The following ZEB2 variants were observed in gnomAD, a reference collection of about 807,000 sequenced individuals.
The protein encoded by ZEB2 is zinc finger E-box-binding homeobox 2.
ZEB2 carries 6 observed loss-of-function variants against 99.9 expected under a neutral mutation model. The observed-to-expected ratio is 0.06, with a 90% CI of 0.03 to 0.12. The LOEUF is 0.12. Ranked by LOEUF, ZEB2 falls within the 10% of genes least tolerant of loss-of-function variation. The probability of loss-of-function intolerance (pLI) is 1.00; values close to 1 mark genes in which losing one functional copy is unlikely to be tolerated. For missense variants in ZEB2, 969 were observed against 1,502.8 expected (o/e 0.64, Z 5.87); for synonymous variants, 517 against 542.5 (o/e 0.95, Z 0.65).
At chr2:144,490,748 C>A (rs1424008990) in intron 2 of ZEB2, among the ~76,000 whole-genome samples, 2 of 152,208 alleles carry the variant, frequency 1.3e-5, no homozygotes, top group Non-Finnish European at 2.9e-5. Context: ...TATGTCCACT[C>A]CACCCTTCCA....
rs1287731625 is a variant in ZEB2 at position 144,398,974 on chromosome 2, G to A, written c.2213C>T (p.Ser738Phe). 6.2e-7 allele frequency: 1 copy of A among 1,614,188 alleles called. No homozygotes were observed. Among genetic ancestry groups the A allele is most frequent in the Admixed American group, 1.7e-5 (1 of 60,028 alleles). ...TTCTGCTATAGATGGTGATGTTATGGAGTCCATAGGTTTTACAGGAGACCT... is the reference window on the plus strand; with the variant it reads ...TTCTGCTATAGATGGTGATGTTATGAAGTCCATAGGTTTTACAGGAGACCT... ...LPRSPVKPMD[S>F]ITSPSIAELH... Residue 738 changes from serine (S) to phenylalanine (F), a missense_variant, in exon 8 of 10, where the codon TCC becomes TTC. By Grantham distance (155) the Ser-to-Phe change is radical. Coordinates refer to ENST00000627532, the MANE Select transcript of ZEB2 (RefSeq NM_014795.4).
At chr2:144,400,965 A>G (rs1267782740) in intron 7 of ZEB2, among the ~76,000 whole-genome samples, 1 of 152,250 alleles carries the variant, frequency 6.6e-6, no homozygotes, top group Non-Finnish European at 1.5e-5. Flanking sequence ...ATTTTGTAAT[A>G]AATCAAAGCA....
intron 2 of ZEB2, among the ~76,000 whole-genome samples, chr2:144,481,316 T>C (rs1704507964): frequency 6.6e-6 from 1 of 152,176 alleles, no homozygotes; most frequent in Non-Finnish European, 1.5e-5. Flanking sequence ...GCATGCTGTA[T>C]GTGGCCCGAG....
intron 6 of ZEB2, 142 bp downstream of exon 6, chr2:144,403,774 T>C: frequency 9.7e-7 from 1 of 1,028,850 alleles, no homozygotes; most frequent in South Asian, 1.4e-5. Flanking sequence ...AAAAATCATT[T>C]AGACCTCAAT....
intron 2 of ZEB2, among the ~76,000 whole-genome samples, chr2:144,440,642 T>C (rs1387268512): frequency 6.6e-6 from 1 of 151,458 alleles, no homozygotes. Context: ...GTCACACGCA[T>C]GGTGTGCCTT....
At position 144,399,221 on chromosome 2, in the gene ZEB2, T is replaced by C. The variant is rs1426184201; in HGVS notation, c.1966A>G (p.Met656Val). ...TSPINPYKDH[M>V]SVLKAYYAMN... ...GCATAGTATGCTTTGAGTACAGACA[T>C]GTGGTCCTTGTATGGGTTGATGGGG... Residue 656 changes from methionine (M) to valine (V), a missense_variant, in exon 8 of 10, where the codon ATG becomes GTG. Around this residue, in one of 8 missense-constraint regions of ZEB2, gnomAD observed 346 missense variants for 460.0 expected, o/e 0.75. Transcript: ENST00000627532. The surrounding 1 kb of genome is among the most constrained non-coding windows in gnomAD (Gnocchi z 5.6). 5.0e-6 allele frequency: 8 copies of C among 1,614,006 alleles called. No homozygotes were observed. Among genetic ancestry groups the C allele is most frequent in the East Asian group, 2.2e-5 (1 of 44,898 alleles).
intron 4 of ZEB2, among the ~76,000 whole-genome samples, chr2:144,417,965 T>C (rs1187339868): frequency 6.6e-6 from 1 of 152,210 alleles, no homozygotes; most frequent in African/African-American, 2.4e-5. Context: ...AAAATTGTTA[T>C]GTGTCAATAA....
At chr2:144,465,514 T>C (rs185741213) in intron 2 of ZEB2, among the ~76,000 whole-genome samples, 19 of 152,290 alleles carry the variant, frequency 1.2e-4, no homozygotes, top group African/African-American at 4.3e-4. Context: ...CCAAGAGCGC[T>C]ATCCAATCAT....
intron 2 of ZEB2, among the ~76,000 whole-genome samples, chr2:144,498,565 G>A (rs1264207524): frequency 6.6e-6 from 1 of 152,174 alleles, no homozygotes; most frequent in African/African-American, 2.4e-5. Flanking sequence ...GGTGAAAGGA[G>A]AGGGATCATG....
chr2:144,510,231 AG>A (rs1301792905), intron 2 of ZEB2, among the ~76,000 whole-genome samples: 1 of 151,856 alleles, frequency 6.6e-6, no homozygotes, highest in South Asian at 2.1e-4. Context: ...ATAAAAAGTC[AG>A]GGGGAAAAAT....
At chr2:144,489,368 G>A (rs1181785625) in intron 2 of ZEB2, among the ~76,000 whole-genome samples, 1 of 151,522 alleles carries the variant, frequency 6.6e-6, no homozygotes, top group Non-Finnish European at 1.5e-5. Flanking sequence ...TTTTCCTCTG[G>A]CCTAATAAAA....
chr2:144,389,187 T>C lies in ZEB2; in HGVS notation c.*264A>G. 1 of 593,286 alleles carries C rather than the reference T, an allele frequency of 1.7e-6. No individual in the cohort carries two copies. Among genetic ancestry groups the C allele is most frequent in the Non-Finnish European group, 3.0e-6 (1 of 336,942 alleles). The allele number at this position is 593,286 out of a possible 1,614,324, so 36.8% of individuals were successfully genotyped here. A position where few individuals can be genotyped will look rare whatever the true frequency, so the allele number is the denominator to read the frequency against. ...TTTCTAGTTGTGCTTAAAGTATAAATGCTATTAAACACAGGAATTAGTCTC... is the reference window on the plus strand; with the variant it reads ...TTTCTAGTTGTGCTTAAAGTATAAACGCTATTAAACACAGGAATTAGTCTC... On this transcript the variant is annotated 3_prime_UTR_variant, in exon 10 of 10. Coordinates refer to ENST00000627532, the MANE Select transcript of ZEB2 (RefSeq NM_014795.4). This position sits in a 1 kb window ranked among gnomAD's most constrained non-coding sequence, Gnocchi z 6.8.
intron 2 of ZEB2, chr2:144,516,227 C>CG (rs1433520608): frequency 8.1e-5 from 12 of 147,792 alleles, no homozygotes; most frequent in Admixed American, 3.4e-4. Flanking sequence ...CCCCCACCCC[C>CG]CCCCGGCACC....
At position 144,398,549 on chromosome 2, in the gene ZEB2, T is replaced by A; in HGVS notation, c.2638A>T (p.Thr880Ser). ...GGGTTCATGCTGAACACTGGGTTAG[T>A]GCTTTTGTTGTCCAGATTATTTGAA... ...SNSNNLDNKS[T>S]NPVFSMNPFS... Residue 880 changes from threonine (T) to serine (S), a missense_variant, in exon 8 of 10, where the codon ACT (threonine) becomes TCT (serine). Physicochemically the swap from Thr to Ser is moderately conservative, Grantham distance 58. Coordinates refer to ENST00000627532, the MANE Select transcript of ZEB2 (RefSeq NM_014795.4). The A allele has an allele frequency of 6.2e-7, 1 of 1,614,164 alleles. No individual in the cohort carries two copies. The highest frequency in any genetic ancestry group is 8.5e-7 in the Non-Finnish European group (1 of 1,180,020).
chr2:144,509,955 CA>C (rs1273704951), intron 2 of ZEB2, among the ~76,000 whole-genome samples: 2 of 152,056 alleles, frequency 1.3e-5, no homozygotes, highest in African/African-American at 4.8e-5. Flanking sequence ...TGAATACCAC[CA>C]ACCCCTCCCC....
At chr2:144,439,181 G>A (rs185115401) in intron 2 of ZEB2, among the ~76,000 whole-genome samples, 2 of 151,056 alleles carry the variant, frequency 1.3e-5, no homozygotes, top group Admixed American at 6.6e-5. Context: ...CTGTTCTGAG[G>A]TACCACCTTT....
Position 144,400,152 on chromosome 2 carries a change from T to A in ZEB2, c.1035A>T (p.Arg345Ser). 2.5e-6 allele frequency: 4 copies of A among 1,613,964 alleles called. No homozygotes were observed. The highest frequency in any genetic ancestry group is 3.4e-6 in the Non-Finnish European group (4 of 1,179,824). ...IGLISVNGRM[R>S]NNIKTGSSPN... ...GGGAAGAACCCGTCTTGATATTGTT[T>A]CTCATTCGGCCATTTACAGAGATTA... The change falls in exon 8 of 10, where the codon AGA becomes AGT. Residue 345 changes from arginine (R) to serine (S), a missense_variant. Around this residue, in one of 8 missense-constraint regions of ZEB2, gnomAD observed 227 missense variants for 278.2 expected, o/e 0.82. Transcript: ENST00000627532.
At chr2:144,446,955 G>A (rs552363863) in intron 2 of ZEB2, among the ~76,000 whole-genome samples, 56 of 151,106 alleles carry the variant, frequency 3.7e-4, no homozygotes, top group African/African-American at 1.3e-3. Context: ...GATGGAGGTT[G>A]CAGTGAGCTG....
intron 7 of ZEB2, among the ~76,000 whole-genome samples, chr2:144,400,783 A>C (rs1364635769): frequency 1.3e-5 from 2 of 152,224 alleles, no homozygotes; most frequent in Non-Finnish European, 2.9e-5. Context: ...CACGGCCCTC[A>C]GGAATCAGGG....
Sources: gnomAD v4.1 joint callset for allele counts (sites outside exome capture counted in the v4.1 genomes callset) on GRCh38, gnomAD v4.1.1 for gene constraint, gnomAD v4.1.1 regional missense constraint, Gnocchi (gnomAD v3.1) non-coding constraint, MANE v1.5 for transcripts, NCBI Gene and HGNC (gene_info 2026-07-23, HGNC 2026-07-21) for gene names.